FRMD3: variants seen among roughly 807,000 people sequenced by gnomAD.
FRMD3 encodes FERM domain-containing protein 3.
In FRMD3, 33 loss-of-function variants were observed where a neutral mutation model predicts 70.2. The observed-to-expected ratio is 0.47, with a 90% CI of 0.36 to 0.63. The LOEUF (loss-of-function observed/expected upper bound fraction) is 0.63. Among genes scored for constraint, FRMD3 ranks in the 20% least tolerant of loss-of-function variants. The pLI is 0.00. For synonymous variants in FRMD3, 279 were observed against 255.9 expected (o/e 1.09, Z -0.86); for missense variants, 632 against 711.4 (o/e 0.89, Z 1.27).
the FRMD3 span, among the ~76,000 whole-genome samples, chr9:83,562,860 G>T: frequency 6.6e-6 from 1 of 151,792 alleles, no homozygotes; most frequent in East Asian, 1.9e-4. Flanking sequence ...GTTCCTTGAG[G>T]ACAGAAACCA....
intron 2 of FRMD3, among the ~76,000 whole-genome samples, chr9:83,378,223 T>C (rs76775265): frequency 0.015 from 2,344 of 151,476 alleles, 53 homozygotes; most frequent in African/African-American, 0.054. Context: ...CTTGGTACCA[T>C]GGCAGTTTCC....
chr9:83,352,029 T>C (rs998468477), intron 3 of FRMD3, among the ~76,000 whole-genome samples: 1 of 152,206 alleles, frequency 6.6e-6, no homozygotes, highest in Non-Finnish European at 1.5e-5. Context: ...TAGATAGAGA[T>C]CTCACTTAAT....
rs565357623 is a variant in FRMD3 at position 83,495,294 on chromosome 9, C to T, written c.147+42791G>A. On this transcript the variant is annotated intron_variant, in intron 1 of 13. Coordinates refer to ENST00000304195, the MANE Select transcript of FRMD3 (RefSeq NM_174938.6). ...GGAGGAGCAAGTGGCCATCTGTGTC[C>T]AAAACTGCCATGGGTCAGTAAGATG... 1.6e-4 allele frequency among the ~76,000 whole-genome samples: 25 copies of T among 152,170 alleles called. No individual in the cohort carries two copies. In the South Asian group the frequency reaches 5.0e-3, roughly 30 times the overall value.
intron 12 of FRMD3, among the ~76,000 whole-genome samples, chr9:83,291,911 A>G (rs547410731): frequency 2.6e-4 from 39 of 152,302 alleles, no homozygotes; most frequent in African/African-American, 9.1e-4. Context: ...GAACAGCAAG[A>G]TGCCTGCTAC....
chr9:83,557,872 C>G, the FRMD3 span, among the ~76,000 whole-genome samples: 9 of 152,250 alleles, frequency 5.9e-5, no homozygotes, highest in South Asian at 1.7e-3. Context: ...CCCTGAGATT[C>G]AAGTAACACA....
chr9:83,277,084 G>A (rs186094580), intron 13 of FRMD3, among the ~76,000 whole-genome samples: 56 of 152,326 alleles, frequency 3.7e-4, no homozygotes, highest in Admixed American at 4.6e-4. Flanking sequence ...TTGGTGGGAT[G>A]TGTGGAGGAA....
At chr9:83,348,113 A>T (rs1824021716) in intron 4 of FRMD3, among the ~76,000 whole-genome samples, 1 of 152,176 alleles carries the variant, frequency 6.6e-6, no homozygotes, top group Admixed American at 6.5e-5. Flanking sequence ...CTCAATTTTT[A>T]TCCTCCAGAC....
intron 13 of FRMD3, among the ~76,000 whole-genome samples, chr9:83,280,462 AGAGT>A (rs1456466085): frequency 2.0e-5 from 3 of 152,242 alleles, no homozygotes; most frequent in Admixed American, 2.0e-4. Context: ...CTGGTTTACC[AGAGT>A]GATAGACCAA....
At chr9:83,526,557 C>T (rs1294956727) in intron 1 of FRMD3, among the ~76,000 whole-genome samples, 8 of 152,196 alleles carry the variant, frequency 5.3e-5, no homozygotes, top group Admixed American at 5.2e-4. Flanking sequence ...TCATCTGTAA[C>T]AGAGATACTT....
At chr9:83,424,453 C>A (rs1041053516) in intron 1 of FRMD3, among the ~76,000 whole-genome samples, 5 of 152,116 alleles carry the variant, frequency 3.3e-5, no homozygotes, top group Middle Eastern at 3.2e-3. Context: ...AAAGCCTGCC[C>A]GGTATAATTT....
At chr9:83,313,103 A>G (rs1227066683) in intron 7 of FRMD3, among the ~76,000 whole-genome samples, 2 of 152,182 alleles carry the variant, frequency 1.3e-5, no homozygotes, top group Non-Finnish European at 2.9e-5. Flanking sequence ...ACACCTTGGG[A>G]GCTTGATTAA....
At chr9:83,253,545 C>A (rs1002975130) in intron 13 of FRMD3, among the ~76,000 whole-genome samples, 1 of 152,128 alleles carries the variant, frequency 6.6e-6, no homozygotes, top group Non-Finnish European at 1.5e-5. Context: ...CAGAGAAATG[C>A]AAATCAAAAC....
chr9:83,363,272 A>G (rs1190898030), intron 3 of FRMD3, among the ~76,000 whole-genome samples: 1 of 152,172 alleles, frequency 6.6e-6, no homozygotes, highest in South Asian at 2.1e-4. Context: ...CTATTTTTAT[A>G]TAAAAGTATC....
intron 1 of FRMD3, among the ~76,000 whole-genome samples, chr9:83,481,648 C>T (rs952812258): frequency 1.3e-5 from 2 of 152,140 alleles, no homozygotes; most frequent in Non-Finnish European, 2.9e-5. Flanking sequence ...ATGTGTAAAA[C>T]TTTAATTTGC....
At chr9:83,256,845 G>C (rs1832730974) in intron 13 of FRMD3, among the ~76,000 whole-genome samples, 1 of 152,112 alleles carries the variant, frequency 6.6e-6, no homozygotes, top group Non-Finnish European at 1.5e-5. Context: ...CAGCCAGAAT[G>C]GTTATCATTA....
upstream of FRMD3, among the ~76,000 whole-genome samples, chr9:83,542,648 C>A (rs1332234625): frequency 2.0e-5 from 3 of 152,078 alleles, no homozygotes; most frequent in Non-Finnish European, 4.4e-5. Context: ...GTAGCTAACA[C>A]AATACTGAAG....
chr9:83,474,860 T>G (rs1828356770), intron 1 of FRMD3, among the ~76,000 whole-genome samples: 1 of 151,908 alleles, frequency 6.6e-6, no homozygotes. Context: ...GATGATAAAC[T>G]AAGCACAGCT....
At chr9:83,426,249 A>G (rs748567635) in intron 1 of FRMD3, among the ~76,000 whole-genome samples, 1 of 152,242 alleles carries the variant, frequency 6.6e-6, no homozygotes, top group Non-Finnish European at 1.5e-5. Flanking sequence ...GCAACAAGCC[A>G]TTGTCCTCAA....
chr9:83,396,484 G>C (rs981370948), intron 1 of FRMD3, among the ~76,000 whole-genome samples: 1 of 152,166 alleles, frequency 6.6e-6, no homozygotes, highest in Non-Finnish European at 1.5e-5. Context: ...AAGGAACTAT[G>C]ACCCAATCGC....
Sources: allele counts gnomAD v4.1 joint callset (sites outside exome capture counted in the v4.1 genomes callset), GRCh38; gene constraint gnomAD v4.1.1; transcripts MANE v1.5; gene names NCBI Gene and HGNC (gene_info 2026-07-23, HGNC 2026-07-21).